DDAH1: variants seen among roughly 807,000 people sequenced by gnomAD.
DDAH1 encodes dimethylarginine dimethylaminohydrolase 1.
In DDAH1, 19 loss-of-function variants were observed where a neutral mutation model predicts 28.8. That is an observed-to-expected ratio of 0.66 (90% CI 0.46 to 0.97). DDAH1 has a LOEUF of 0.97. DDAH1 is among the 50% of genes least tolerant of loss of function. DDAH1 has a pLI of 0.00. For missense variants in DDAH1, 326 were observed against 375.9 expected, an observed-to-expected ratio of 0.87 and a Z score of 1.10; for synonymous variants, 153 against 154.4, an observed-to-expected ratio of 0.99 and a Z score of 0.07.
intron 1 of DDAH1, 116 bp from the exon 2 acceptor site, chr1:85,358,963 A>G: frequency 1.6e-6 from 1 of 626,092 alleles, no homozygotes; most frequent in Non-Finnish European, 2.8e-6. Context: ...ACACATCCAC[A>G]CTCATATACA....
intron 2 of DDAH1, among the ~76,000 whole-genome samples, chr1:85,490,906 A>ATTCTGGCC (rs1352843800): frequency 6.6e-6 from 1 of 152,184 alleles, no homozygotes; most frequent in Non-Finnish European, 1.5e-5. Context: ...ACATTCTGAG[A>ATTCTGGCC]TTCTGGCCTC....
intron 1 of DDAH1, among the ~76,000 whole-genome samples, chr1:85,389,414 C>T (rs1202904749): frequency 2.0e-5 from 3 of 152,176 alleles, no homozygotes; most frequent in Non-Finnish European, 4.4e-5. Flanking sequence ...GGAGTCTAGA[C>T]TATCCCATAC....
chr1:85,396,308 G>A (rs971599863), intron 1 of DDAH1, among the ~76,000 whole-genome samples: 8 of 152,240 alleles, frequency 5.3e-5, no homozygotes, highest in Non-Finnish European at 1.2e-4. Flanking sequence ...CTGGAAGACT[G>A]GGCATCTGAC....
chr1:85,397,106 T>G (rs558842925), intron 1 of DDAH1, among the ~76,000 whole-genome samples: 34 of 152,316 alleles, frequency 2.2e-4, no homozygotes, highest in African/African-American at 8.2e-4. Flanking sequence ...TTGGTTATTA[T>G]GTTAAAATGT....
intron 1 of DDAH1, among the ~76,000 whole-genome samples, chr1:85,455,471 C>T (rs1170400808): frequency 2.0e-5 from 3 of 151,830 alleles, no homozygotes; most frequent in African/African-American, 7.3e-5. Flanking sequence ...AGAAAAATAA[C>T]TTCATGTAGT....
At chr1:85,489,433 C>T (rs538822927) in intron 2 of DDAH1, among the ~76,000 whole-genome samples, 10 of 152,192 alleles carry the variant, frequency 6.6e-5, no homozygotes, top group African/African-American at 2.4e-4. Flanking sequence ...AAAAGAGTAA[C>T]ACTGTTGGCT....
chr1:85,505,093 C>G (rs928189761), intron 1 of DDAH1, among the ~76,000 whole-genome samples: 8 of 148,208 alleles, frequency 5.4e-5, no homozygotes, highest in East Asian at 4.1e-4. Flanking sequence ...TAAAGCGATT[C>G]TCCTCCCTCA....
intron 1 of DDAH1, among the ~76,000 whole-genome samples, chr1:85,456,825 A>C (rs575579225): frequency 6.6e-6 from 1 of 152,220 alleles, no homozygotes; most frequent in Non-Finnish European, 1.5e-5. Flanking sequence ...CCAGCAAAGA[A>C]TATACTGATA....
intron 4 of DDAH1, among the ~76,000 whole-genome samples, chr1:85,325,310 A>T (rs1444932409): frequency 6.6e-6 from 1 of 152,104 alleles, no homozygotes; most frequent in African/African-American, 2.4e-5. Flanking sequence ...AATAATGTGA[A>T]TCTGATTAAT....
At chr1:85,570,793 G>C (rs1308109059) in intron 1 of DDAH1, among the ~76,000 whole-genome samples, 1 of 152,096 alleles carries the variant, frequency 6.6e-6, no homozygotes, top group Non-Finnish European at 1.5e-5. Flanking sequence ...AGTCATCAGT[G>C]GCTCAAAGAC....
At position 85,321,256 on chromosome 1, in the gene DDAH1, C is replaced by T; in HGVS notation, c.*196G>A. 9 of 512,938 alleles carry T rather than the reference C, an allele frequency of 1.8e-5. No individual in the cohort carries two copies. Among genetic ancestry groups the T allele is most frequent in the South Asian group, 3.1e-5 (1 of 32,080 alleles). The allele number at this position is 512,938 out of a possible 1,614,324, so 31.8% of individuals were successfully genotyped here. A position where few individuals can be genotyped will look rare whatever the true frequency, so the allele number is the denominator to read the frequency against. On this transcript the variant is annotated 3_prime_UTR_variant, in exon 6 of 6. Coordinates refer to ENST00000284031, the MANE Select transcript of DDAH1 (RefSeq NM_012137.4). ...GGTTGCTTAATTCATTTAGCAAATC[C>T]ACAGCTTAGGTACCACCTCGAGGGG... is the stretch of plus-strand genomic sequence containing the variant.
At chr1:85,565,217 A>C (rs1387258660) in intron 1 of DDAH1, among the ~76,000 whole-genome samples, 1 of 152,168 alleles carries the variant, frequency 6.6e-6, no homozygotes, top group Non-Finnish European at 1.5e-5. Context: ...AAATGCATAA[A>C]GAAGAACAAA....
chr1:85,343,149 A>ATAAT (rs1215896411), intron 4 of DDAH1, among the ~76,000 whole-genome samples: 2 of 152,188 alleles, frequency 1.3e-5, no homozygotes, highest in Non-Finnish European at 1.5e-5. Context: ...ACTTTTAAAT[A>ATAAT]TAATTTATTC....
intron 1 of DDAH1, among the ~76,000 whole-genome samples, chr1:85,536,875 A>C (rs1170239700): frequency 6.6e-6 from 1 of 150,798 alleles, no homozygotes; most frequent in Non-Finnish European, 1.5e-5. Context: ...GTTTATGGCA[A>C]CACTATTTAC....
At chr1:85,421,692 C>T (rs759677975) in intron 1 of DDAH1, among the ~76,000 whole-genome samples, 2 of 152,196 alleles carry the variant, frequency 1.3e-5, no homozygotes, top group African/African-American at 4.8e-5. Flanking sequence ...TGGAATCATA[C>T]AGTATGTAGC....
chr1:85,332,082 G>A (rs541410655), intron 4 of DDAH1, among the ~76,000 whole-genome samples: 2 of 152,160 alleles, frequency 1.3e-5, no homozygotes, highest in East Asian at 1.9e-4. Flanking sequence ...CCCGGGGTCC[G>A]TGTGGCAGCA....
chr1:85,577,205 C>G (rs1358460800), intron 1 of DDAH1, among the ~76,000 whole-genome samples: 1 of 152,088 alleles, frequency 6.6e-6, no homozygotes, highest in African/African-American at 2.4e-5. Flanking sequence ...GGACCCTCTC[C>G]GCTCCCTCCG....
chr1:85,566,996 A>G (rs192118171), intron 1 of DDAH1, among the ~76,000 whole-genome samples: 1 of 152,292 alleles, frequency 6.6e-6, no homozygotes, highest in African/African-American at 2.4e-5. Flanking sequence ...CTGAAGGCAG[A>G]AGAAACCTCC....
At chr1:85,403,212 A>C (rs1428784874) in intron 1 of DDAH1, among the ~76,000 whole-genome samples, 1 of 134,732 alleles carries the variant, frequency 7.4e-6, no homozygotes, top group African/African-American at 2.7e-5. Flanking sequence ...TATATATATG[A>C]ATATGTATGT....
Sources: allele counts gnomAD v4.1 joint callset (sites outside exome capture counted in the v4.1 genomes callset), GRCh38; gene constraint gnomAD v4.1.1; transcripts MANE v1.5; gene names NCBI Gene and HGNC (gene_info 2026-07-23, HGNC 2026-07-21).